Variants in CDON observed in about 807,000 individuals in gnomAD.
CDON encodes the protein cell adhesion associated, oncogene regulated.
CDON carries 73 observed loss-of-function variants against 120.9 expected under a neutral mutation model. The ratio of observed to expected loss-of-function variants is 0.60; its 90% CI spans 0.50 to 0.73. CDON has a LOEUF of 0.73. CDON is among the 30% of genes least tolerant of loss of function. The probability of loss-of-function intolerance (pLI) is 0.00; values close to 1 mark genes in which losing one functional copy is unlikely to be tolerated. For synonymous variants in CDON, 566 were observed against 573.5 expected (o/e 0.99, Z 0.19); for missense variants, 1,470 against 1,587.3 (o/e 0.93, Z 1.26).
At chr11:125,996,662 T>C (rs2134538132) in intron 12 of CDON, among the ~76,000 whole-genome samples, 1 of 119,342 alleles carries the variant, frequency 8.4e-6, no homozygotes, top group South Asian at 2.8e-4. Flanking sequence ...ATTTCGCCAC[T>C]GCACTCCGGC....
At chr11:126,051,750 C>T (rs756402710) in intron 1 of CDON, among the ~76,000 whole-genome samples, 5 of 150,732 alleles carry the variant, frequency 3.3e-5, no homozygotes, top group South Asian at 2.1e-4. Context: ...CGAGTTCAAG[C>T]GATTCTCCTG....
At chr11:125,981,401 CGCATGCACACAT>C (rs1946296554) in intron 16 of CDON, 72 bp from the exon 17 acceptor site, 1 of 1,458,908 alleles carries the variant, frequency 6.9e-7, no homozygotes, top group Non-Finnish European at 9.5e-7. Flanking sequence ...TACGCACACA[CGCATGCACACAT>C]GCACATACGC....
chr11:125,971,724 A>G (rs1264554697), intron 18 of CDON, among the ~76,000 whole-genome samples: 2 of 151,078 alleles, frequency 1.3e-5, no homozygotes, highest in African/African-American at 4.9e-5. Context: ...TCTCTCTACG[A>G]CCCTTCGAGT....
Position 126,023,492 on chromosome 11 carries a change from A to T in CDON, c.-16T>A. The T allele has an allele frequency of 6.3e-7, 1 of 1,588,920 alleles. No homozygotes were observed. Among genetic ancestry groups the T allele is most frequent in the East Asian group, 2.2e-5 (1 of 44,740 alleles). On this transcript the variant is annotated 5_prime_UTR_variant, in exon 2 of 20. Transcript: ENST00000531738. ...CCGGATGCATAGCGCCAGATTACAG[A>T]AGCAATCAGGACAGGCTTCCAGAGC...
chr11:126,043,026 AC>A (rs1484701975), intron 1 of CDON, among the ~76,000 whole-genome samples: 9 of 152,196 alleles, frequency 5.9e-5, no homozygotes, highest in African/African-American at 2.2e-4. Context: ...GAAAATCCTA[AC>A]TTTCGACACC....
At chr11:125,962,412 G>GA (rs1945670075) in intron 18 of CDON, among the ~76,000 whole-genome samples, 1 of 152,206 alleles carries the variant, frequency 6.6e-6, no homozygotes. Context: ...ATGGCCACAC[G>GA]AAAGAAACAA....
chr11:126,045,095 G>A (rs1047852736), intron 1 of CDON, among the ~76,000 whole-genome samples: 2 of 152,088 alleles, frequency 1.3e-5, no homozygotes, highest in Non-Finnish European at 2.9e-5. Context: ...GTGCAATCTC[G>A]GCTCACTGCA....
intron 1 of CDON, among the ~76,000 whole-genome samples, chr11:126,039,965 T>G (rs933495018): frequency 5.9e-5 from 9 of 152,126 alleles, no homozygotes; most frequent in Admixed American, 2.6e-4. Context: ...TTTAAAACTG[T>G]TTTCCTTCCG....
intron 11 of CDON, 109 bp from the exon 12 acceptor site, chr11:125,997,519 C>A: frequency 1.1e-6 from 1 of 883,330 alleles, no homozygotes; most frequent in Non-Finnish European, 1.8e-6. Context: ...GGTTCTTCAC[C>A]AAACTTTTTG....
In CDON at chr11:126,033,334, A is replaced by T. The variant is rs555915045; in HGVS notation, c.-61-9797T>A. Among the ~76,000 whole-genome samples the T allele has an allele frequency of 7.9e-5, 12 of 152,204 alleles. No homozygotes were observed. In the South Asian group the frequency reaches 1.9e-3, roughly 24 times the overall value. ...GGTTCTAAGGAAGGTTGGGCAGGCA[A>T]GCAGAAAGAAGCCTGAAGCTCTTAA... On this transcript the variant is annotated intron_variant, in intron 1 of 19. Coordinates refer to ENST00000531738, the MANE Select transcript of CDON (RefSeq NM_001378964.1).
At chr11:125,985,274 A>T (rs1462441971) in intron 15 of CDON, among the ~76,000 whole-genome samples, 3 of 152,184 alleles carry the variant, frequency 2.0e-5, no homozygotes, top group Non-Finnish European at 4.4e-5. Flanking sequence ...CCCAGGTTCC[A>T]GCGATTCTCC....
At chr11:125,965,252 A>C (rs1945763124) in intron 18 of CDON, among the ~76,000 whole-genome samples, 1 of 152,228 alleles carries the variant, frequency 6.6e-6, no homozygotes, top group East Asian at 1.9e-4. Flanking sequence ...TTAAAAATTA[A>C]ATTCCTGACT....
rs190302258 is a variant in CDON, at chr11:126,052,175, C to A, written c.-62+10404G>T. 1.3e-3 allele frequency among the ~76,000 whole-genome samples: 193 copies of A among 152,252 alleles called. 1 individual carries two copies. In the South Asian group the frequency reaches 0.02, roughly 16 times the overall value. On this transcript the variant is annotated intron_variant, in intron 1 of 19. Coordinates refer to ENST00000531738, the MANE Select transcript of CDON (RefSeq NM_001378964.1). Reference sequence around the variant, plus strand: ...GAAAATTATACAAAAGACCTACATACAGTCAAAACATGATTACTGCAATTT... The same window carrying A: ...GAAAATTATACAAAAGACCTACATAAAGTCAAAACATGATTACTGCAATTT...
In CDON at chr11:125,978,951, G is replaced by A. The variant is rs555178324; in HGVS notation, c.3277-568C>T. On this transcript the variant is annotated intron_variant, in intron 17 of 19. Transcript: ENST00000531738. ...CTTCAGCCAGCAATGACTTGGAGGG[G>A]GTGTGTTAATATTTGGATGTTGCTT... Among the ~76,000 whole-genome samples, 25 of 152,126 alleles carry A rather than the reference G, an allele frequency of 1.6e-4. 1 individual carries two copies. The South Asian group carries it at 5.2e-3, about 32-fold the overall frequency.
At chr11:126,012,688 C>T (rs1370387580) in intron 7 of CDON, among the ~76,000 whole-genome samples, 1 of 151,888 alleles carries the variant, frequency 6.6e-6, no homozygotes, top group Non-Finnish European at 1.5e-5. Context: ...GGATTACAGG[C>T]GTGAGCCACC....
chr11:125,968,206 T>C (rs1565490456), intron 18 of CDON, among the ~76,000 whole-genome samples: 1 of 152,236 alleles, frequency 6.6e-6, no homozygotes. Flanking sequence ...TGAACTTGAA[T>C]GAACTCATAA....
intron 1 of CDON, among the ~76,000 whole-genome samples, chr11:126,060,951 T>G (rs1280559482): frequency 6.6e-6 from 1 of 152,248 alleles, no homozygotes; most frequent in Non-Finnish European, 1.5e-5. Flanking sequence ...GAGTCAGAGC[T>G]GTTTAAGTAC....
In CDON at chr11:126,045,322, G is replaced by A. The variant is rs900408325; in HGVS notation, c.-62+17257C>T. Among the ~76,000 whole-genome samples, 14 of 151,964 alleles carry A rather than the reference G, an allele frequency of 9.2e-5. No homozygotes were observed. In the South Asian group the frequency reaches 1.2e-3, roughly 14 times the overall value. On this transcript the variant is annotated intron_variant, in intron 1 of 19. Transcript: ENST00000531738. ...ATTACAGGCGTGAGCCAGCACGCCC[G>A]GCCAATAATTTAAAATGTTTAAAGC...
intron 13 of CDON, 152 bp downstream of exon 13, chr11:125,994,719 G>T: frequency 1.4e-6 from 1 of 722,308 alleles, no homozygotes; most frequent in Non-Finnish European, 2.5e-6. Context: ...CTCAAAATAT[G>T]TGCTCTTATT....
Sources: allele counts gnomAD v4.1 joint callset (sites outside exome capture counted in the v4.1 genomes callset), GRCh38; gene constraint gnomAD v4.1.1; transcripts MANE v1.5; gene names NCBI Gene and HGNC (gene_info 2026-07-23, HGNC 2026-07-21).